The following HP1BP3 variants were observed in gnomAD, a reference collection of about 807,000 sequenced individuals.
HP1BP3 encodes the protein heterochromatin protein 1 binding protein 3.
In HP1BP3, 12 loss-of-function variants were observed where a neutral mutation model predicts 62.5. The ratio of observed to expected loss-of-function variants is 0.19; its 90% CI spans 0.12 to 0.31. The LOEUF is 0.31. HP1BP3 is among the 10% of genes least tolerant of loss of function. The probability of loss-of-function intolerance (pLI) is 1.00; values close to 1 mark genes in which losing one functional copy is unlikely to be tolerated. For synonymous variants in HP1BP3, 260 were observed against 237.8 expected, an observed-to-expected ratio of 1.09 and a Z score of -0.86; for missense variants, 502 against 651.8, an observed-to-expected ratio of 0.77 and a Z score of 2.50.
chr1:20,779,943 C>T (rs1455499137), intron 2 of HP1BP3, 32 bp from the exon 3 acceptor site: 2 of 1,545,424 alleles, frequency 1.3e-6, no homozygotes, highest in South Asian at 1.2e-5. Flanking sequence ...ATCAAACATG[C>T]ATTAAAAAAT....
At chr1:20,778,341 T>G (rs2057393044) in intron 3 of HP1BP3, among the ~76,000 whole-genome samples, 1 of 152,246 alleles carries the variant, frequency 6.6e-6, no homozygotes, top group African/African-American at 2.4e-5. Context: ...CTAATTTCTA[T>G]GTACAAAATA....
chr1:20,743,974 CAGG>C lies in HP1BP3; in HGVS notation c.*820_*822del, dbSNP rs1315019177. 6.6e-6 allele frequency: 1 copy of C among 152,104 alleles called. No homozygotes were observed. The highest frequency in any genetic ancestry group is 2.4e-5 in the African/African-American group (1 of 41,390). 9.4% of individuals were successfully genotyped at this position (152,104 alleles called of 1,614,324 possible). A position where few individuals can be genotyped will look rare whatever the true frequency, so the allele number is the denominator to read the frequency against. On this transcript the variant is annotated 3_prime_UTR_variant, in exon 13 of 13. Transcript: ENST00000438032. ...ATCCCAGCTACTCGGGAGGCTGAAGCAGGAGAATTGCTTGAACCCAGGAGGTGG... is the reference window on the plus strand; with the variant it reads ...ATCCCAGCTACTCGGGAGGCTGAAGCAGAATTGCTTGAACCCAGGAGGTGG...
intron 8 of HP1BP3, among the ~76,000 whole-genome samples, chr1:20,762,342 A>G (rs117652774): frequency 6.6e-6 from 1 of 152,180 alleles, no homozygotes; most frequent in Non-Finnish European, 1.5e-5. Context: ...ATATGTTTCA[A>G]AAGAAGTGCA....
intron 8 of HP1BP3, among the ~76,000 whole-genome samples, chr1:20,758,108 T>C (rs1403607119): frequency 6.6e-6 from 1 of 152,080 alleles, no homozygotes; most frequent in Admixed American, 6.6e-5. Context: ...ACCATGCCAT[T>C]GCAATCCAAC....
intron 9 of HP1BP3, among the ~76,000 whole-genome samples, chr1:20,754,765 C>T (rs2055997718): frequency 6.6e-6 from 1 of 152,138 alleles, no homozygotes; most frequent in Admixed American, 6.5e-5. Flanking sequence ...GGAATAATCA[C>T]ACACCCACAT....
rs148611699 is a variant in HP1BP3 at position 20,770,596 on chromosome 1, T to C, written c.654+334A>G. Among the ~76,000 whole-genome samples, 4 of 152,256 alleles carry C rather than the reference T, an allele frequency of 2.6e-5. No individual in the cohort carries two copies. In the East Asian group the frequency reaches 5.8e-4, roughly 22 times the overall value. On this transcript the variant is annotated intron_variant, in intron 6 of 12. Transcript: ENST00000438032. ...TCCCAAGGTGCTGGGACTACAGGTG[T>C]AGGCCACCATCCCTAGCCTCATTTT... is the stretch of plus-strand genomic sequence containing the variant.
In HP1BP3 at chr1:20,744,956, C is replaced by T; in HGVS notation, c.1503G>A (p.Lys501=). ...ARPLPKKAPP[K]AKTPAKKTRP... ...TGGTCTTCTTGGCAGGCGTTTTGGC[C>T]TTAGGAGGTGCTTTCTTAGGCAAGG... The change falls in exon 13 of 13, where the codon AAG becomes AAA. Residue 501 remains lysine, a synonymous_variant. Transcript: ENST00000438032. The T allele has an allele frequency of 3.7e-6, 6 of 1,614,092 alleles. No individual in the cohort carries two copies. The highest frequency in any genetic ancestry group is 5.1e-6 in the Non-Finnish European group (6 of 1,180,044).
chr1:20,766,867 C>T lies in HP1BP3; in HGVS notation c.735+717G>A, dbSNP rs541707473. ...CTGAGGCAGGACAAGCACTTGAATC[C>T]GGGAAGCAGAGGTTGCAGTGAGCCA... is the stretch of plus-strand genomic sequence containing the variant. On this transcript the variant is annotated intron_variant, in intron 7 of 12. Transcript: ENST00000438032. Among the ~76,000 whole-genome samples the T allele has an allele frequency of 4.6e-5, 7 of 152,204 alleles. No individual in the cohort carries two copies. In the East Asian group the frequency reaches 1.4e-3, roughly 29 times the overall value.
At chr1:20,746,451 A>C in intron 11 of HP1BP3, among the ~76,000 whole-genome samples, 1 of 152,294 alleles carries the variant, frequency 6.6e-6, no homozygotes. Context: ...GCCAAGTAAC[A>C]CTTATGTTTG....
Position 20,744,737 on chromosome 1 carries a change from C to G in HP1BP3, c.*60G>C. 7.0e-7 allele frequency: 1 copy of G among 1,431,952 alleles called. No individual in the cohort carries two copies. The highest frequency in any genetic ancestry group is 9.5e-7 in the Non-Finnish European group (1 of 1,053,090). The allele number at this position is 1,431,952 out of a possible 1,614,324, so 88.7% of individuals were successfully genotyped here. On this transcript the variant is annotated 3_prime_UTR_variant, in exon 13 of 13. Transcript: ENST00000438032. ...AAAGCATCAAAACTAAACAAATGCA[C>G]ACTGACCTTAGAAAATAAGATTTTG...
chr1:20,745,618 G>A lies in HP1BP3; in HGVS notation c.1292C>T (p.Ser431Phe). The A allele has an allele frequency of 6.2e-7, 1 of 1,613,854 alleles. No homozygotes were observed. ...VLFPKKEPDD[S>F]RDEDEDEDES... ...ATCTTCATCTTCATCCTCATCTCTAGAATCATCTGGCTCTTTCTTCGGAAA... is the reference window on the plus strand; with the variant it reads ...ATCTTCATCTTCATCCTCATCTCTAAAATCATCTGGCTCTTTCTTCGGAAA... The change falls in exon 12 of 13, where the codon TCT becomes TTT. Residue 431 changes from serine (S) to phenylalanine (F), a missense_variant. By Grantham distance (155) the Ser-to-Phe change is radical. This residue lies in a region of HP1BP3 where 194 missense variants were observed against 207.0 expected (regional missense o/e 0.94). Coordinates refer to ENST00000438032, the MANE Select transcript of HP1BP3 (RefSeq NM_001372052.1).
Position 20,745,477 on chromosome 1 carries a change from T to C in HP1BP3, c.1367+66A>G, listed in dbSNP as rs548526981. 44 of 1,563,446 alleles carry C rather than the reference T, an allele frequency of 2.8e-5. 1 individual carries two copies. The South Asian group carries it at 3.7e-4, about 13-fold the overall frequency. ...TGCTTTTTAGCTTTAGCCCCTCCTATAGCACTATTTTTCAGCTCTGAGGTA... is the reference window on the plus strand; with the variant it reads ...TGCTTTTTAGCTTTAGCCCCTCCTACAGCACTATTTTTCAGCTCTGAGGTA... On this transcript the variant is annotated intron_variant, in intron 12 of 12. Coordinates refer to ENST00000438032, the MANE Select transcript of HP1BP3 (RefSeq NM_001372052.1).
At chr1:20,774,813 G>C (rs973831980) in intron 4 of HP1BP3, 1 of 152,016 alleles carries the variant, frequency 6.6e-6, no homozygotes, top group African/African-American at 2.4e-5. Context: ...TGAAACCCCC[G>C]TCTCTCCTGA....
rs747986212 is a variant in HP1BP3 at position 20,741,017 on chromosome 1, C to T, written c.*3780G>A. Among the ~76,000 whole-genome samples the T allele has an allele frequency of 1.3e-5, 2 of 152,146 alleles. No homozygotes were observed. Among genetic ancestry groups the T allele is most frequent in the African/African-American group, 2.4e-5 (1 of 41,424 alleles). ...CTGCAGAAGTGAGTGACCATCTGTT[C>T]CACCATGAAAATGCAAAAGCAAAAT... On this transcript the variant is annotated 3_prime_UTR_variant, in exon 13 of 13. Transcript: ENST00000438032.
chr1:20,762,754 T>C (rs1005182667), intron 8 of HP1BP3, among the ~76,000 whole-genome samples: 3 of 152,148 alleles, frequency 2.0e-5, no homozygotes, highest in African/African-American at 7.2e-5. Flanking sequence ...TAATGTCTCA[T>C]GTTTCCCTAA....
intron 5 of HP1BP3, among the ~76,000 whole-genome samples, chr1:20,771,276 T>C (rs1442147424): frequency 1.3e-5 from 2 of 152,218 alleles, no homozygotes; most frequent in African/African-American, 2.4e-5. Flanking sequence ...TTTAAATTGT[T>C]CAAAACAGCC....
intron 1 of HP1BP3, among the ~76,000 whole-genome samples, chr1:20,781,036 T>C (rs1306074247): frequency 1.3e-5 from 2 of 152,168 alleles, no homozygotes; most frequent in African/African-American, 2.4e-5. Flanking sequence ...CATGACATTC[T>C]AATAGCTTCC....
intron 7 of HP1BP3, among the ~76,000 whole-genome samples, chr1:20,766,950 A>AAAAC (rs111382368): frequency 3.0e-4 from 46 of 152,034 alleles, no homozygotes; most frequent in African/African-American, 9.4e-4. Flanking sequence ...CTTAGAAAAG[A>AAAAC]AAACAAACAA....
intron 6 of HP1BP3, among the ~76,000 whole-genome samples, chr1:20,768,779 G>A (rs929529232): frequency 2.0e-5 from 3 of 152,134 alleles, no homozygotes; most frequent in Non-Finnish European, 1.5e-5. Flanking sequence ...GGCAGAGGGT[G>A]TAGTGAGCTG....
Sources: allele counts gnomAD v4.1 joint callset (sites outside exome capture counted in the v4.1 genomes callset), GRCh38; gene constraint gnomAD v4.1.1; regional missense constraint gnomAD v4.1.1; transcripts MANE v1.5; gene names NCBI Gene and HGNC (gene_info 2026-07-23, HGNC 2026-07-21).